ANTXR2: variants seen among roughly 807,000 people sequenced by gnomAD.
ANTXR2 encodes the protein ANTXR cell adhesion molecule 2, also known as anthrax toxin receptor 2.
ANTXR2 carries 44 observed loss-of-function variants against 73.7 expected under a neutral mutation model. The ratio of observed to expected loss-of-function variants is 0.60; its 90% CI spans 0.47 to 0.77. The LOEUF (loss-of-function observed/expected upper bound fraction) is 0.77, where lower values mean the gene tolerates loss of function less well. Ranked by LOEUF, ANTXR2 falls within the 30% of genes least tolerant of loss-of-function variation. The pLI, the probability that ANTXR2 is intolerant of heterozygous loss-of-function variation, is 0.00. For synonymous variants in ANTXR2, 217 were observed against 205.9 expected (o/e 1.05, Z -0.46); for missense variants, 604 against 592.5 (o/e 1.02, Z -0.20).
intron 16 of ANTXR2, among the ~76,000 whole-genome samples, chr4:79,910,467 C>T (rs1727079986): frequency 7.3e-6 from 1 of 136,558 alleles, no homozygotes. Flanking sequence ...CAAGATCGCA[C>T]CACTGCACTC....
chr4:79,981,006 C>A (rs1729867859), intron 14 of ANTXR2, among the ~76,000 whole-genome samples: 3 of 151,720 alleles, frequency 2.0e-5, no homozygotes, highest in African/African-American at 4.8e-5. Context: ...CACAGTGGCA[C>A]CTGCCTGTAG....
intron 16 of ANTXR2, among the ~76,000 whole-genome samples, chr4:79,951,895 T>C (rs1728721892): frequency 6.6e-6 from 1 of 152,142 alleles, no homozygotes; most frequent in Admixed American, 6.5e-5. Context: ...ATCTCTTCTG[T>C]TACTTCCTTG....
intron 3 of ANTXR2, among the ~76,000 whole-genome samples, chr4:80,064,513 A>G (rs1025975491): frequency 6.6e-6 from 1 of 152,176 alleles, no homozygotes; most frequent in African/African-American, 2.4e-5. Flanking sequence ...TCCTGCTTTC[A>G]TGTTTACATT....
chr4:79,910,445 G>A (rs973005223), intron 16 of ANTXR2, among the ~76,000 whole-genome samples: 2 of 148,960 alleles, frequency 1.3e-5, no homozygotes, highest in Non-Finnish European at 3.0e-5. Flanking sequence ...GGAGGCGGAG[G>A]TTGCAGTGAA....
chr4:79,936,648 TA>T (rs894502537), intron 16 of ANTXR2, among the ~76,000 whole-genome samples: 4 of 151,664 alleles, frequency 2.6e-5, no homozygotes, highest in East Asian at 1.9e-4. Context: ...GCAAAAGAAA[TA>T]AAAAAAATCC....
chr4:80,071,590 A>C lies in ANTXR2; in HGVS notation c.217T>G (p.Phe73Val). Reference protein sequence around the residue: ...YNFVQQLAERFVSPEMRLSFI... With the variant: ...YNFVQQLAERVVSPEMRLSFI... ...GTAAAGTAAGAAAGATACCTCACAAATCTCTCCGCAAGTTGCTGTACGAAA... is the reference window on the plus strand; with the variant it reads ...GTAAAGTAAGAAAGATACCTCACAACTCTCTCCGCAAGTTGCTGTACGAAA... The change falls in exon 2 of 17, where the codon TTT becomes GTT. Residue 73 changes from phenylalanine (F) to valine (V), a missense_variant. Coordinates refer to ENST00000403729, the MANE Select transcript of ANTXR2 (RefSeq NM_058172.6). The C allele has an allele frequency of 6.2e-7, 1 of 1,611,140 alleles. No individual in the cohort carries two copies. The highest frequency in any genetic ancestry group is 8.5e-7 in the Non-Finnish European group (1 of 1,177,374).
At chr4:80,008,750 T>C (rs1731429791) in intron 11 of ANTXR2, 134 bp from the exon 12 acceptor site, 1 of 492,750 alleles carries the variant, frequency 2.0e-6, no homozygotes, top group Non-Finnish European at 3.5e-6. Flanking sequence ...AACTATATTA[T>C]TTTAATTTCT....
chr4:80,028,272 G>T (rs1221389903), intron 10 of ANTXR2, among the ~76,000 whole-genome samples: 1 of 152,048 alleles, frequency 6.6e-6, no homozygotes, highest in African/African-American at 2.4e-5. Context: ...GACAGGATTT[G>T]CCCAGATAAC....
chr4:80,071,402 A>G (rs1295537130), intron 2 of ANTXR2, among the ~76,000 whole-genome samples, 181 bp downstream of exon 2: 4 of 152,250 alleles, frequency 2.6e-5, no homozygotes, highest in African/African-American at 9.6e-5. Flanking sequence ...TGGGATCCAG[A>G]TGAAATAAGC....
intron 12 of ANTXR2, among the ~76,000 whole-genome samples, chr4:79,993,750 A>ACACACACGCGCG (rs1256143887): frequency 1.0e-4 from 8 of 78,116 alleles, no homozygotes; most frequent in Non-Finnish European, 1.2e-4. Flanking sequence ...TACACCACAC[A>ACACACACGCGCG]CACACACACG....
At chr4:79,961,551 CAGCCTCCCGGGT>C (rs1729142591) in intron 16 of ANTXR2, among the ~76,000 whole-genome samples, 1 of 152,162 alleles carries the variant, frequency 6.6e-6, no homozygotes, top group Admixed American at 6.5e-5. Context: ...CCTCCCACCT[CAGCCTCCCGGGT>C]AGCTGGTACT....
chr4:79,926,119 ATTAATTGATTAG>A (rs1244988342), intron 16 of ANTXR2, among the ~76,000 whole-genome samples: 1 of 152,150 alleles, frequency 6.6e-6, no homozygotes, highest in Non-Finnish European at 1.5e-5. Context: ...TTTCTGCTGA[ATTAATTGATTAG>A]TTTATGTTCA....
chr4:79,929,009 A>T lies in ANTXR2; in HGVS notation c.1429-21542T>A, dbSNP rs2109957742. Among the ~76,000 whole-genome samples the T allele has an allele frequency of 2.6e-5, 4 of 152,278 alleles. No homozygotes were observed. In the South Asian group the frequency reaches 8.3e-4, roughly 32 times the overall value. ...TAGCTCTATGTAATAATTGGAGAAG[A>T]AGTATTTCAGGGTACAATTATCCTA... is the stretch of plus-strand genomic sequence containing the variant. On this transcript the variant is annotated intron_variant, in intron 16 of 16. Transcript: ENST00000403729.
chr4:80,072,587 T>A lies in ANTXR2; in HGVS notation c.-27A>T, dbSNP rs1308587866. 1.7e-5 allele frequency: 25 copies of A among 1,489,432 alleles called. No individual in the cohort carries two copies. Among genetic ancestry groups the A allele is most frequent in the Non-Finnish European group, 2.2e-5 (25 of 1,121,164 alleles). 92.3% of individuals were successfully genotyped at this position (1,489,432 alleles called of 1,614,324 possible). On this transcript the variant is annotated 5_prime_UTR_variant, in exon 1 of 17. Transcript: ENST00000403729. The stretch of plus-strand genomic sequence containing the variant: ...CTGCGGCCGGGGGCCTGAGACTCCC[T>A]CCCGCTCGCAGTCCCCTAAGCTCAG...
intron 12 of ANTXR2, among the ~76,000 whole-genome samples, chr4:80,004,824 A>G (rs1731227279): frequency 2.0e-5 from 3 of 151,960 alleles, no homozygotes; most frequent in African/African-American, 7.3e-5. Context: ...GCTTTTTCAA[A>G]CTGCATGACC....
At chr4:80,044,572 T>C (rs1318017137) in intron 7 of ANTXR2, among the ~76,000 whole-genome samples, 1 of 151,926 alleles carries the variant, frequency 6.6e-6, no homozygotes, top group Non-Finnish European at 1.5e-5. Flanking sequence ...CTTTGAAGTT[T>C]ATGTTGAATT....
chr4:79,950,951 T>C (rs1231843004), intron 16 of ANTXR2, among the ~76,000 whole-genome samples: 1 of 152,138 alleles, frequency 6.6e-6, no homozygotes, highest in Non-Finnish European at 1.5e-5. Flanking sequence ...TCAACTCAGA[T>C]TGTCCCATTC....
rs71662888 is a variant in ANTXR2, at chr4:79,993,760, G to GCGCACACACACACACACACA, written c.1042-8898_1042-8897insTGTGTGTGTGTGTGTGTGCG. On this transcript the variant is annotated intron_variant, in intron 12 of 16. Transcript: ENST00000403729. ...GGCAATACACCACACACACACACAC[G>GCGCACACACACACACACACA]CACACACACACACACACACACACAT... is the stretch of plus-strand genomic sequence containing the variant. 7.1e-3 allele frequency among the ~76,000 whole-genome samples: 1,006 copies of GCGCACACACACACACACACA among 140,752 alleles called. 14 individuals carry two copies. Among genetic ancestry groups the GCGCACACACACACACACACA allele is most frequent in the African/African-American group, 0.025 (977 of 39,052 alleles). The allele number at this position is 140,752 out of a possible 152,430, so 92.3% of individuals were successfully genotyped here. A position where few individuals can be genotyped will look rare whatever the true frequency, so the allele number is the denominator to read the frequency against.
chr4:80,063,106 C>T (rs533931267), intron 3 of ANTXR2, among the ~76,000 whole-genome samples: 93 of 152,074 alleles, frequency 6.1e-4, no homozygotes, highest in African/African-American at 2.2e-3. Context: ...TTATAAATAC[C>T]CATTGTGTTC....
Sources: gnomAD v4.1 joint callset for allele counts (sites outside exome capture counted in the v4.1 genomes callset) on GRCh38, gnomAD v4.1.1 for gene constraint, MANE v1.5 for transcripts, NCBI Gene and HGNC (gene_info 2026-07-23, HGNC 2026-07-21) for gene names.